The following HPSE2 variants were observed in gnomAD, a reference collection of about 807,000 sequenced individuals.
HPSE2 encodes the protein heparanase 2 (inactive), also known as inactive heparanase-2.
A neutral mutation model predicts 60.5 loss-of-function variants in HPSE2; 38 were observed. That is an observed-to-expected ratio of 0.63 (90% confidence interval 0.48 to 0.82). HPSE2 has a LOEUF of 0.82. Among genes scored for constraint, HPSE2 ranks in the 40% least tolerant of loss-of-function variants. HPSE2 has a pLI of 0.00. For synonymous variants in HPSE2, 295 were observed against 293.2 expected (o/e 1.01, Z -0.06); for missense variants, 713 against 740.4 (o/e 0.96, Z 0.43).
At chr10:98,643,319 C>G (rs1946684515) in intron 6 of HPSE2, among the ~76,000 whole-genome samples, 1 of 152,122 alleles carries the variant, frequency 6.6e-6, no homozygotes. Flanking sequence ...ATGTAAAGTT[C>G]CTGGCATACA....
intron 5 of HPSE2, among the ~76,000 whole-genome samples, chr10:98,708,570 A>G (rs934578440): frequency 6.6e-6 from 1 of 152,190 alleles, no homozygotes; most frequent in East Asian, 1.9e-4. Flanking sequence ...GACTTTGAGG[A>G]AACACCATTA....
At chr10:98,692,826 A>G (rs1434957452) in intron 6 of HPSE2, among the ~76,000 whole-genome samples, 1 of 152,228 alleles carries the variant, frequency 6.6e-6, no homozygotes, top group Non-Finnish European at 1.5e-5. Context: ...AAATATTTGG[A>G]ACTTGTTTTT....
chr10:99,057,768 T>C (rs1011959103), intron 3 of HPSE2, among the ~76,000 whole-genome samples: 7 of 152,194 alleles, frequency 4.6e-5, no homozygotes, highest in African/African-American at 1.7e-4. Flanking sequence ...ACTTATTTTG[T>C]CCAGCTGGCT....
intron 9 of HPSE2, among the ~76,000 whole-genome samples, chr10:98,610,107 C>T (rs566931301): frequency 7.4e-4 from 112 of 152,244 alleles, no homozygotes; most frequent in Middle Eastern, 3.4e-3. Context: ...TCCTAAAGTG[C>T]TGGGATTACA....
intron 3 of HPSE2, among the ~76,000 whole-genome samples, chr10:98,851,309 T>C (rs1236765537): frequency 6.6e-6 from 1 of 152,214 alleles, no homozygotes. Context: ...AGTGATGCTG[T>C]GGATGCTGCT....
At chr10:98,758,314 C>CA (rs61264642) in intron 3 of HPSE2, among the ~76,000 whole-genome samples, 64,235 of 147,170 alleles carry the variant, frequency 0.44, 15,024 homozygotes, top group African/African-American at 0.62. Flanking sequence ...AAAGCAATTA[C>CA]AAAAAAAAAA....
At chr10:98,927,301 C>CTCAAGGAA (rs1954500471) in intron 3 of HPSE2, among the ~76,000 whole-genome samples, 2 of 151,956 alleles carry the variant, frequency 1.3e-5, no homozygotes, top group Non-Finnish European at 2.9e-5. Context: ...GTATTGGGTG[C>CTCAAGGAA]ATATATATTT....
At chr10:98,795,343 C>T (rs1459119682) in intron 3 of HPSE2, among the ~76,000 whole-genome samples, 1 of 152,196 alleles carries the variant, frequency 6.6e-6, no homozygotes, top group Non-Finnish European at 1.5e-5. Flanking sequence ...AGCCTTACGG[C>T]ACGGAAAGTC....
At chr10:99,150,153 A>T (rs1846205831) in intron 2 of HPSE2, among the ~76,000 whole-genome samples, 1 of 152,332 alleles carries the variant, frequency 6.6e-6, no homozygotes, top group East Asian at 1.9e-4. Context: ...TTGATGCACT[A>T]GAATCAATTT....
chr10:98,700,241 C>T (rs1188699080), intron 5 of HPSE2, among the ~76,000 whole-genome samples: 8 of 151,032 alleles, frequency 5.3e-5, no homozygotes, highest in Non-Finnish European at 1.0e-4. Context: ...TGACTTCAAA[C>T]TATACTACAA....
chr10:98,958,759 T>C (rs1369199944), intron 3 of HPSE2, among the ~76,000 whole-genome samples: 1 of 152,024 alleles, frequency 6.6e-6, no homozygotes, highest in Non-Finnish European at 1.5e-5. Context: ...CCACATGGGG[T>C]AGGAAGGACA....
At chr10:98,970,337 C>A (rs554905089) in intron 3 of HPSE2, among the ~76,000 whole-genome samples, 2 of 152,196 alleles carry the variant, frequency 1.3e-5, no homozygotes, top group Admixed American at 6.5e-5. Context: ...GGGATAGCAC[C>A]AAGCCATTTA....
At chr10:98,568,118 T>A (rs1325765780) in intron 9 of HPSE2, among the ~76,000 whole-genome samples, 4 of 152,226 alleles carry the variant, frequency 2.6e-5, no homozygotes, top group Admixed American at 6.5e-5. Context: ...GACTTTCTAC[T>A]GTGCCCTGAT....
chr10:98,716,376 T>C (rs553200802), intron 5 of HPSE2, among the ~76,000 whole-genome samples: 11 of 152,068 alleles, frequency 7.2e-5, no homozygotes, highest in Non-Finnish European at 1.5e-4. Flanking sequence ...GCATGGCACA[T>C]GTATACGTAT....
intron 4 of HPSE2, among the ~76,000 whole-genome samples, chr10:98,733,354 TCAAA>T (rs1949275170): frequency 6.6e-6 from 1 of 152,114 alleles, no homozygotes; most frequent in Admixed American, 6.5e-5. Flanking sequence ...ACTCCTGAGC[TCAAA>T]CAATCTGCCC....
chr10:99,304,613 A>G, the HPSE2 span, among the ~76,000 whole-genome samples: 102 of 152,378 alleles, frequency 6.7e-4, no homozygotes, highest in African/African-American at 2.4e-3. Context: ...TACAAAGGCA[A>G]TAAGGAGTAT....
intron 3 of HPSE2, among the ~76,000 whole-genome samples, chr10:99,011,251 T>C (rs1957006923): frequency 6.6e-6 from 1 of 152,164 alleles, no homozygotes; most frequent in Non-Finnish European, 1.5e-5. Context: ...AAACATCCAA[T>C]GTTAAATACT....
chr10:99,151,629 A>C (rs1846267221), intron 2 of HPSE2, among the ~76,000 whole-genome samples: 1 of 152,198 alleles, frequency 6.6e-6, no homozygotes, highest in African/African-American at 2.4e-5. Flanking sequence ...CTAATCCATA[A>C]AGGGAACAAG....
rs771343217 is a variant in HPSE2, at chr10:99,235,642, C to A, written c.161G>T (p.Gly54Val). The A allele has an allele frequency of 1.2e-6, 2 of 1,614,078 alleles. No homozygotes were observed. Among genetic ancestry groups the A allele is most frequent in the East Asian group, 4.5e-5 (2 of 44,858 alleles). ...RRPLPVDRAAGLKEKTLILLD... is the reference protein window; with the variant it reads ...RRPLPVDRAAVLKEKTLILLD... ...TAGAATCAGGGTCTTTTCCTTCAAA[C>A]CTGCAGCTCTGTCTACAGGCAAGGG... The change falls in exon 1 of 12, where the codon GGT (glycine) becomes GTT (valine). Residue 54 changes from glycine to valine, a missense_variant. Coordinates refer to ENST00000370552, the MANE Select transcript of HPSE2 (RefSeq NM_021828.5).
Sources: allele counts gnomAD v4.1 joint callset (sites outside exome capture counted in the v4.1 genomes callset), GRCh38; gene constraint gnomAD v4.1.1; transcripts MANE v1.5; gene names NCBI Gene and HGNC (gene_info 2026-07-23, HGNC 2026-07-21).